HEATR5A: variants seen among roughly 807,000 people sequenced by gnomAD.
HEATR5A encodes HEAT repeat-containing protein 5A.
A neutral mutation model predicts 218.8 loss-of-function variants in HEATR5A; 178 were observed. That is an observed-to-expected ratio of 0.81 (90% CI 0.72 to 0.92). The LOEUF is 0.92. Ranked by LOEUF, HEATR5A falls within the 40% of genes least tolerant of loss-of-function variation. The probability of loss-of-function intolerance (pLI) is 0.00; values close to 1 mark genes in which losing one functional copy is unlikely to be tolerated. For synonymous variants in HEATR5A, 864 were observed against 871.6 expected (o/e 0.99, Z 0.15); for missense variants, 2,420 against 2,418.9 (o/e 1.00, Z -0.01).
In HEATR5A at chr14:31,333,240, C is replaced by G. The variant is rs537603163; in HGVS notation, c.3367+4236G>C. Among the ~76,000 whole-genome samples, 19 of 152,098 alleles carry G rather than the reference C, an allele frequency of 1.2e-4. 1 individual carries two copies. The South Asian group carries it at 3.1e-3, about 25-fold the overall frequency. ...GAAGACGTAGCTAAGGTCAAAACAA[C>G]AGTTTTTCTTTTTCTTTCCTTTTTT... is the stretch of plus-strand genomic sequence containing the variant. On this transcript the variant is annotated intron_variant, in intron 22 of 35. Coordinates refer to ENST00000543095, the MANE Select transcript of HEATR5A (RefSeq NM_015473.4).
intron 2 of HEATR5A, 150 bp from the exon 3 acceptor site, chr14:31,400,662 G>A (rs1476686262): frequency 5.0e-6 from 3 of 603,294 alleles, no homozygotes; most frequent in Non-Finnish European, 8.4e-6. Context: ...TAAGTTGGTA[G>A]TGTGGTCATT....
At chr14:31,394,384 G>A (rs2030568345) in intron 5 of HEATR5A, among the ~76,000 whole-genome samples, 158 bp from the exon 6 acceptor site, 2 of 152,052 alleles carry the variant, frequency 1.3e-5, no homozygotes, top group Non-Finnish European at 2.9e-5. Flanking sequence ...CTTATTAAAA[G>A]TCATAAAGAT....
chr14:31,369,624 A>AAC (rs1324867221), intron 13 of HEATR5A, among the ~76,000 whole-genome samples: 1 of 147,742 alleles, frequency 6.8e-6, no homozygotes, highest in Non-Finnish European at 1.5e-5. Context: ...AAAAAAAAAA[A>AAC]AAAAAAAAAA....
At chr14:31,405,228 G>GT (rs1277473997) in intron 1 of HEATR5A, among the ~76,000 whole-genome samples, 2 of 152,206 alleles carry the variant, frequency 1.3e-5, no homozygotes, top group Non-Finnish European at 2.9e-5. Flanking sequence ...GAACTCAGGC[G>GT]TTTGAGACCA....
At chr14:31,354,322 T>C (rs1901344433) in intron 16 of HEATR5A, among the ~76,000 whole-genome samples, 1 of 152,218 alleles carries the variant, frequency 6.6e-6, no homozygotes, top group African/African-American at 2.4e-5. Flanking sequence ...ATTAAGAATT[T>C]GTTGCACTGT....
chr14:31,400,902 C>G (rs976041367), intron 2 of HEATR5A, among the ~76,000 whole-genome samples: 1 of 151,258 alleles, frequency 6.6e-6, no homozygotes, highest in African/African-American at 2.4e-5. Flanking sequence ...TGCAGTGGCC[C>G]GATCTCCGGT....
At chr14:31,352,124 C>A (rs1901255460) in intron 16 of HEATR5A, among the ~76,000 whole-genome samples, 1 of 152,138 alleles carries the variant, frequency 6.6e-6, no homozygotes, top group South Asian at 2.1e-4. Context: ...AAATAAACCA[C>A]CCCATCTTAC....
rs568480430 is a variant in HEATR5A at position 31,341,811 on chromosome 14, T to A, written c.3228+2085A>T. Among the ~76,000 whole-genome samples the A allele has an allele frequency of 2.0e-4, 31 of 152,268 alleles. 1 individual carries two copies. In the South Asian group the frequency reaches 5.6e-3, roughly 28 times the overall value. On this transcript the variant is annotated intron_variant, in intron 21 of 35. Coordinates refer to ENST00000543095, the MANE Select transcript of HEATR5A (RefSeq NM_015473.4). ...GGTAAAGGAGAAATTTTATAGGTAA[T>A]TAATGGAAATCTTCTACAAGACAAG...
intron 1 of HEATR5A, among the ~76,000 whole-genome samples, chr14:31,403,255 T>TA (rs1483642169): frequency 2.0e-5 from 3 of 151,922 alleles, no homozygotes; most frequent in Non-Finnish European, 4.4e-5. Context: ...CAGGCAAAAA[T>TA]AGAGTAGCAA....
At position 31,347,800 on chromosome 14, in the gene HEATR5A, C is replaced by A. The variant is rs751517427; in HGVS notation, c.2816G>T (p.Cys939Phe). Residue 939 changes from cysteine to phenylalanine, a missense_variant, in exon 19 of 36, where the codon TGT (cysteine) becomes TTT (phenylalanine). Coordinates refer to ENST00000543095, the MANE Select transcript of HEATR5A (RefSeq NM_015473.4). ...CGCCAAAGTATAAAGGATTCCAATA[C>A]AAGAATTTAGGTGTTGAGAAGAACT... Reference protein sequence around the residue: ...GISSSQHLNSCIGILYTLAQD... With the variant: ...GISSSQHLNSFIGILYTLAQD... 3 of 1,611,826 alleles carry A rather than the reference C, an allele frequency of 1.9e-6. No homozygotes were observed. Among genetic ancestry groups the A allele is most frequent in the East Asian group, 4.5e-5 (2 of 44,820 alleles).
chr14:31,383,137 C>T (rs2030063533), intron 10 of HEATR5A, among the ~76,000 whole-genome samples: 1 of 152,054 alleles, frequency 6.6e-6, no homozygotes, highest in Non-Finnish European at 1.5e-5. Flanking sequence ...TGAGTTCATA[C>T]TGACAATTTC....
chr14:31,407,714 C>T (rs1478626673), intron 1 of HEATR5A, among the ~76,000 whole-genome samples: 1 of 151,920 alleles, frequency 6.6e-6, no homozygotes, highest in African/African-American at 2.4e-5. Context: ...CTGCAACCTC[C>T]ACCTCCCAGG....
In HEATR5A at chr14:31,400,427, A is replaced by C. The variant is rs1353365301; in HGVS notation, c.212T>G (p.Leu71Arg). 3 of 1,535,858 alleles carry C rather than the reference A, an allele frequency of 2.0e-6. No homozygotes were observed. The highest frequency in any genetic ancestry group is 3.9e-5 in the Admixed American group (2 of 50,972). Residue 71 changes from leucine to arginine, a missense_variant, in exon 3 of 36, where the codon CTG (leucine) becomes CGG (arginine). Physicochemically the swap from Leu to Arg is moderately radical, Grantham distance 102. Transcript: ENST00000543095. ...NSSPGPPTRK[L>R]LAKNLAILYS... ...AAGTATGGCTAGATTCTTAGCAAGCAGTTTGCGGGTAGGAGGCCCTGGGGA... is the reference window on the plus strand; with the variant it reads ...AAGTATGGCTAGATTCTTAGCAAGCCGTTTGCGGGTAGGAGGCCCTGGGGA...
chr14:31,309,285 C>T (rs973969417), intron 28 of HEATR5A, 103 bp from the exon 29 acceptor site: 34 of 1,301,238 alleles, frequency 2.6e-5, no homozygotes, highest in African/African-American at 4.4e-5. Context: ...CGAAAGTTCC[C>T]TTGTACCCTT....
intron 16 of HEATR5A, among the ~76,000 whole-genome samples, chr14:31,355,438 G>A (rs1368656031): frequency 6.6e-6 from 1 of 151,306 alleles, no homozygotes; most frequent in Admixed American, 6.6e-5. Flanking sequence ...AAAAAATAAA[G>A]TAACCACACA....
chr14:31,406,816 G>A (rs759418895), intron 1 of HEATR5A, among the ~76,000 whole-genome samples: 17 of 151,872 alleles, frequency 1.1e-4, no homozygotes, highest in African/African-American at 3.6e-4. Flanking sequence ...AAAATTAGCC[G>A]GGCATGGTAG....
At chr14:31,327,688 C>T (rs1900316625) in intron 22 of HEATR5A, among the ~76,000 whole-genome samples, 1 of 152,104 alleles carries the variant, frequency 6.6e-6, no homozygotes. Context: ...AAAGCTCAAA[C>T]AGAAAACAAA....
Position 31,300,281 on chromosome 14 carries a change from CTTTTTCTT to C in HEATR5A, c.5464+2006_5464+2013del, listed in dbSNP as rs1899327118. On this transcript the variant is annotated intron_variant, in intron 33 of 35. Coordinates refer to ENST00000543095, the MANE Select transcript of HEATR5A (RefSeq NM_015473.4). ...AAACTGTTGTACCTAGAATCCATTT[CTTTTTCTT>C]TTTTTCTTTTTTTTTTGAGACAGTC... Among the ~76,000 whole-genome samples the C allele has an allele frequency of 3.3e-5, 5 of 151,682 alleles. No homozygotes were observed. In the South Asian group the frequency reaches 8.4e-4, roughly 25 times the overall value.
At chr14:31,294,961 G>A (rs755983491) in intron 34 of HEATR5A, among the ~76,000 whole-genome samples, 3 of 152,164 alleles carry the variant, frequency 2.0e-5, no homozygotes, top group Non-Finnish European at 2.9e-5. Flanking sequence ...CAGGCAACAG[G>A]ACAGACGATA....
Sources: gnomAD v4.1 joint callset for allele counts (sites outside exome capture counted in the v4.1 genomes callset) on GRCh38, gnomAD v4.1.1 for gene constraint, MANE v1.5 for transcripts, NCBI Gene and HGNC (gene_info 2026-07-23, HGNC 2026-07-21) for gene names.